The following BTBD8 variants were observed in gnomAD, a reference collection of about 807,000 sequenced individuals.
The protein encoded by BTBD8 is BTB/POZ domain-containing protein 8.
BTBD8 carries 110 observed loss-of-function variants against 162.9 expected under a neutral mutation model. The observed-to-expected ratio is 0.68, with a 90% CI of 0.58 to 0.79. BTBD8 has a LOEUF of 0.79. Among genes scored for constraint, BTBD8 ranks in the 30% least tolerant of loss-of-function variants. The pLI, the probability that BTBD8 is intolerant of heterozygous loss-of-function variation, is 0.00. For synonymous variants in BTBD8, 667 were observed against 716.1 expected (o/e 0.93, Z 1.10); for missense variants, 1,905 against 2,085.4 (o/e 0.91, Z 1.68).
Position 92,180,373 on chromosome 1 carries a change from C to G in BTBD8, c.2690C>G (p.Pro897Arg). 6.4e-7 allele frequency: 1 copy of G among 1,551,386 alleles called. No homozygotes were observed. Among genetic ancestry groups the G allele is most frequent in the Non-Finnish European group, 8.7e-7 (1 of 1,146,928 alleles). The change falls in exon 17 of 18, where the codon CCT (proline) becomes CGT (arginine). Residue 897 changes from proline to arginine, a missense_variant. Pro to Arg is a moderately radical substitution (Grantham distance 103). Coordinates refer to ENST00000636805, the MANE Select transcript of BTBD8 (RefSeq NM_001376131.1). ...AATACAACTACAGAGAAACAAGCAC[C>G]TAAGAGAAAAATGGTCAAGCAAGTA... ...DHNTTTEKQA[P>R]KRKMVKQVHT...
chr1:92,152,744 CTT>C (rs990895476), intron 9 of BTBD8, among the ~76,000 whole-genome samples: 7 of 151,964 alleles, frequency 4.6e-5, no homozygotes, highest in Non-Finnish European at 8.8e-5. Flanking sequence ...ATGCTATACT[CTT>C]TTATTTTGAT....
intron 7 of BTBD8, among the ~76,000 whole-genome samples, chr1:92,144,091 A>T (rs1387834229): frequency 7.6e-6 from 1 of 132,366 alleles, no homozygotes; most frequent in Non-Finnish European, 1.5e-5. Context: ...CTCCTGCCTC[A>T]GCCTCCCCAG....
At chr1:92,133,811 A>G (rs1390884479) in intron 5 of BTBD8, among the ~76,000 whole-genome samples, 2 of 152,138 alleles carry the variant, frequency 1.3e-5, no homozygotes, top group Non-Finnish European at 2.9e-5. Flanking sequence ...TCTACTAAAA[A>G]TACAAAAAAT....
chr1:92,090,957 G>GTCT (rs1648280243), intron 2 of BTBD8, among the ~76,000 whole-genome samples: 1 of 152,168 alleles, frequency 6.6e-6, no homozygotes, highest in African/African-American at 2.4e-5. Flanking sequence ...TTATTATGTA[G>GTCT]TCTAGCTTAT....
chr1:92,137,576 A>G (rs1474399665), intron 5 of BTBD8, among the ~76,000 whole-genome samples: 1 of 152,208 alleles, frequency 6.6e-6, no homozygotes, highest in Non-Finnish European at 1.5e-5. Flanking sequence ...AATAAATAGC[A>G]TACTTCCTTC....
intron 10 of BTBD8, 32 bp downstream of exon 10, chr1:92,167,172 T>C (rs1432346084): frequency 6.5e-7 from 1 of 1,544,988 alleles, no homozygotes; most frequent in East Asian, 2.4e-5. Flanking sequence ...CTATATTTAG[T>C]TCCATCTTTG....
intron 6 of BTBD8, chr1:92,139,739 C>A: frequency 3.6e-6 from 1 of 278,024 alleles, no homozygotes; most frequent in Non-Finnish European, 5.6e-6. Context: ...AAAATTACTA[C>A]TTTTTAAATT....
intron 10 of BTBD8, 24 bp downstream of exon 10, chr1:92,167,164 A>C (rs183227289): frequency 1.9e-6 from 3 of 1,548,030 alleles, no homozygotes; most frequent in Middle Eastern, 1.7e-4. Context: ...ATTATATCCT[A>C]TATTTAGTTC....
At chr1:92,089,874 A>G (rs890765659) in intron 2 of BTBD8, among the ~76,000 whole-genome samples, 2 of 152,104 alleles carry the variant, frequency 1.3e-5, no homozygotes, top group Admixed American at 6.5e-5. Context: ...CAGAACATCA[A>G]TTTGACTTTT....
Position 92,128,795 on chromosome 1 carries a change from G to A in BTBD8, c.663-892G>A, listed in dbSNP as rs147453823. ...CCATTATGATTTACATGTAATGTAG[G>A]GATATATTTGGGAGTGACAGCAAGC... is the stretch of plus-strand genomic sequence containing the variant. On this transcript the variant is annotated intron_variant, in intron 4 of 17. Coordinates refer to ENST00000636805, the MANE Select transcript of BTBD8 (RefSeq NM_001376131.1). Among the ~76,000 whole-genome samples the A allele has an allele frequency of 1.6e-3, 236 of 152,232 alleles. 2 individuals are homozygous for A. In the South Asian group the frequency reaches 0.02, roughly 13 times the overall value.
intron 2 of BTBD8, among the ~76,000 whole-genome samples, chr1:92,096,123 C>G (rs1022955905): frequency 1.3e-5 from 2 of 152,086 alleles, no homozygotes; most frequent in African/African-American, 2.4e-5. Flanking sequence ...AGGCTCCCAC[C>G]ACCATGCCAA....
chr1:92,117,123 T>C (rs949023643), intron 4 of BTBD8, among the ~76,000 whole-genome samples: 29 of 151,926 alleles, frequency 1.9e-4, no homozygotes, highest in Non-Finnish European at 3.7e-4. Flanking sequence ...TTGCTGGGAT[T>C]ACAGGTGTGA....
intron 5 of BTBD8, among the ~76,000 whole-genome samples, chr1:92,130,519 A>AT (rs1553123325): frequency 1.5e-5 from 1 of 67,240 alleles, no homozygotes; most frequent in Non-Finnish European, 2.5e-5. Flanking sequence ...TCTCAAAAAA[A>AT]ATATATATAT....
intron 4 of BTBD8, chr1:92,126,505 C>CA: frequency 2.2e-6 from 1 of 464,908 alleles, no homozygotes; most frequent in Non-Finnish European, 3.7e-6. Context: ...TCTCCTCAAT[C>CA]CTCTTCACTC....
Position 92,181,785 on chromosome 1 carries a change from A to G in BTBD8, c.4102A>G (p.Ser1368Gly), listed in dbSNP as rs1465105468. The change falls in exon 17 of 18, where the codon AGT becomes GGT. Residue 1368 changes from serine (S) to glycine (G), a missense_variant. Physicochemically the swap from Ser to Gly is moderately conservative, Grantham distance 56. Transcript: ENST00000636805. ...GGAAAGAGAAAATATTCCACGAGGC[A>G]GTGTCCAGTTTGCTCAGGAAATAGA... ...SRERENIPRG[S>G]VQFAQEIDQV... The G allele has an allele frequency of 3.2e-6, 5 of 1,551,230 alleles. No individual in the cohort carries two copies. In the African/African-American group the frequency reaches 5.5e-5, roughly 17 times the overall value.
intron 5 of BTBD8, among the ~76,000 whole-genome samples, chr1:92,134,798 C>T (rs1273843096): frequency 6.6e-6 from 1 of 151,928 alleles, no homozygotes; most frequent in Non-Finnish European, 1.5e-5. Flanking sequence ...CTCTGTGTCC[C>T]CTTAGCCCAC....
intron 9 of BTBD8, among the ~76,000 whole-genome samples, chr1:92,164,996 C>T (rs1041878687): frequency 6.6e-6 from 1 of 151,330 alleles, no homozygotes; most frequent in African/African-American, 2.4e-5. Flanking sequence ...TAGCATGCAC[C>T]TGTGGTTTCA....
chr1:92,096,839 A>G (rs1454645882), intron 2 of BTBD8, among the ~76,000 whole-genome samples: 3 of 152,174 alleles, frequency 2.0e-5, no homozygotes, highest in Admixed American at 6.5e-5. Context: ...CGTGTGGCCA[A>G]TCACCTATAT....
intron 9 of BTBD8, among the ~76,000 whole-genome samples, chr1:92,150,004 A>G (rs1396325479): frequency 1.3e-5 from 2 of 152,162 alleles, no homozygotes; most frequent in Admixed American, 1.3e-4. Flanking sequence ...ACACCATCAG[A>G]TACAAAGGCT....
Sources: gnomAD v4.1 joint callset for allele counts (sites outside exome capture counted in the v4.1 genomes callset) on GRCh38, gnomAD v4.1.1 for gene constraint, MANE v1.5 for transcripts, NCBI Gene and HGNC (gene_info 2026-07-23, HGNC 2026-07-21) for gene names.